Variants in BAZ1A observed in about 807,000 individuals in gnomAD.
The protein encoded by BAZ1A is bromodomain adjacent to zinc finger domain 1A, also known as bromodomain adjacent to zinc finger domain protein 1A.
Under a neutral mutation model 185.2 loss-of-function variants are expected in BAZ1A, and 50 were observed. That is an observed-to-expected ratio of 0.27 (90% CI 0.22 to 0.34). The LOEUF is 0.34. Ranked by LOEUF, BAZ1A falls within the 10% of genes least tolerant of loss-of-function variation. BAZ1A has a pLI of 1.00. For synonymous variants in BAZ1A, 571 were observed against 615.6 expected, an observed-to-expected ratio of 0.93 and a Z score of 1.07; for missense variants, 1,356 against 1,839.9, an observed-to-expected ratio of 0.74 and a Z score of 4.81.
intron 9 of BAZ1A, among the ~76,000 whole-genome samples, chr14:34,797,912 C>A (rs1324255093): frequency 1.3e-5 from 2 of 152,264 alleles, no homozygotes; most frequent in African/African-American, 4.8e-5. Flanking sequence ...ATTTTCCTTT[C>A]CTAGCCAAGG....
At chr14:34,755,613 G>T (rs977493184) in intron 25 of BAZ1A, among the ~76,000 whole-genome samples, 7 of 151,730 alleles carry the variant, frequency 4.6e-5, no homozygotes, top group Non-Finnish European at 7.4e-5. Context: ...TTATTATTTT[G>T]TCCCTCTGAA....
chr14:34,755,113 C>T (rs8010594), intron 25 of BAZ1A, among the ~76,000 whole-genome samples, 199 bp from the exon 26 acceptor site: 3,230 of 151,690 alleles, frequency 0.021, 130 homozygotes, highest in African/African-American at 0.074. Context: ...ATAGATATCG[C>T]GCTCTCTCTA....
intron 12 of BAZ1A, among the ~76,000 whole-genome samples, chr14:34,792,209 C>A (rs1471597066): frequency 6.6e-6 from 1 of 152,090 alleles, no homozygotes; most frequent in Non-Finnish European, 1.5e-5. Flanking sequence ...CACAGTGAAA[C>A]CCCGTCTCTA....
At chr14:34,788,206 C>T (rs936202831) in intron 12 of BAZ1A, among the ~76,000 whole-genome samples, 24 of 152,120 alleles carry the variant, frequency 1.6e-4, no homozygotes, top group Admixed American at 9.8e-4. Context: ...TTAGTAGAGA[C>T]AGGGTTTCAC....
intron 6 of BAZ1A, among the ~76,000 whole-genome samples, chr14:34,803,251 C>T (rs1467193143): frequency 2.0e-5 from 3 of 151,820 alleles, no homozygotes; most frequent in African/African-American, 4.8e-5. Flanking sequence ...TGGTGGCACA[C>T]GTCTGTAGTC....
rs957601809 is a variant in BAZ1A at position 34,786,312 on chromosome 14, A to G, written c.1511-91T>C. 1.3e-5 allele frequency: 16 copies of G among 1,188,260 alleles called. No homozygotes were observed. In the Admixed American group the frequency reaches 4.2e-4, roughly 31 times the overall value. 73.6% of individuals were successfully genotyped at this position (1,188,260 alleles called of 1,614,324 possible). Reference sequence around the variant, plus strand: ...TTTTAAATGATGAAAGAAACAGCAAACGCCTTAACATTCGGAACCTCAAAA... The same window carrying G: ...TTTTAAATGATGAAAGAAACAGCAAGCGCCTTAACATTCGGAACCTCAAAA... On this transcript the variant is annotated intron_variant, in intron 12 of 26. Transcript: ENST00000360310.
At chr14:34,811,826 A>G (rs546762256) in intron 4 of BAZ1A, among the ~76,000 whole-genome samples, 80 of 152,366 alleles carry the variant, frequency 5.3e-4, no homozygotes, top group African/African-American at 1.9e-3. Flanking sequence ...AAAAATAAAA[A>G]AAGTTCTTGG....
rs1162547228 is a variant in BAZ1A, at chr14:34,786,156, A to C, written c.1576T>G (p.Leu526Val). Residue 526 changes from leucine (L) to valine (V), a missense_variant, in exon 13 of 27, where the codon TTG (leucine) becomes GTG (valine). Around this residue, in one of 7 missense-constraint regions of BAZ1A, gnomAD observed 184 missense variants for 355.1 expected, o/e 0.52. Transcript: ENST00000360310. ...TGTAACTGTGGCCATGCAGCTGCCA[A>C]AGATGCAACTGCAGACAGTGCAGAT... ...TKSALSAVAS[L>V]AAAWPQLHQG... is the part of the protein sequence containing the mutation. The C allele has an allele frequency of 1.2e-6, 2 of 1,612,448 alleles. No individual in the cohort carries two copies. The highest frequency in any genetic ancestry group is 1.7e-6 in the Non-Finnish European group (2 of 1,179,670).
At chr14:34,851,450 A>C (rs2042595385) in intron 3 of BAZ1A, among the ~76,000 whole-genome samples, 2 of 151,938 alleles carry the variant, frequency 1.3e-5, no homozygotes, top group Admixed American at 6.6e-5. Flanking sequence ...AGATTCTCTC[A>C]AACTCTAATT....
rs781763990 is a variant in BAZ1A, at chr14:34,774,439, T to C, written c.2885A>G (p.Asn962Ser). The C allele has an allele frequency of 1.4e-4, 227 of 1,611,814 alleles. No homozygotes were observed. Among genetic ancestry groups the C allele is most frequent in the Non-Finnish European group, 1.8e-4 (214 of 1,179,122 alleles). ...KPTYSRGRSS[N>S]AYDPSQMCAE... ...ACACATCTGAGATGGATCATATGCA[T>C]TGGAAGATCTTCCCCGACTATATGT... Residue 962 changes from asparagine to serine, a missense_variant, in exon 19 of 27, where the codon AAT becomes AGT. By Grantham distance (46) the Asn-to-Ser change is conservative. Transcript: ENST00000360310.
At chr14:34,787,364 A>AAG (rs1566561801) in intron 12 of BAZ1A, among the ~76,000 whole-genome samples, 1 of 30,412 alleles carries the variant, frequency 3.3e-5, no homozygotes, top group African/African-American at 9.5e-5. Context: ...AAAAAAAAAA[A>AAG]AAAAGAAAAG....
intron 25 of BAZ1A, among the ~76,000 whole-genome samples, chr14:34,757,604 G>A (rs1280778854): frequency 2.0e-5 from 3 of 151,914 alleles, no homozygotes; most frequent in African/African-American, 7.2e-5. Flanking sequence ...GGTGGAGGTT[G>A]CGGTGAGCCA....
At chr14:34,760,183 G>A (rs932214804) in intron 24 of BAZ1A, among the ~76,000 whole-genome samples, 3 of 152,142 alleles carry the variant, frequency 2.0e-5, no homozygotes, top group Admixed American at 1.3e-4. Flanking sequence ...ACCAGGCTTA[G>A]CAATTTCACA....
In BAZ1A at chr14:34,776,325, G is replaced by A. The variant is rs779702910; in HGVS notation, c.2427C>T (p.Arg809=). The A allele has an allele frequency of 6.2e-7, 1 of 1,613,982 alleles. No homozygotes were observed. The highest frequency in any genetic ancestry group is 1.3e-5 in the African/African-American group (1 of 74,902). The change falls in exon 18 of 27, where the codon CGC becomes CGT. Residue 809 remains arginine (R), a synonymous_variant. Coordinates refer to ENST00000360310, the MANE Select transcript of BAZ1A (RefSeq NM_013448.3). ...CTNIFPLGRD[R]MYRRYWIFPS... ...GGAAAATCCAGTATCGTCTATACATGCGGTCGCGACCCAAGGGAAAGATAT... is the reference window on the plus strand; with the variant it reads ...GGAAAATCCAGTATCGTCTATACATACGGTCGCGACCCAAGGGAAAGATAT...
At chr14:34,837,580 G>A (rs996198537) in intron 3 of BAZ1A, among the ~76,000 whole-genome samples, 1 of 150,148 alleles carries the variant, frequency 6.7e-6, no homozygotes, top group African/African-American at 2.5e-5. Context: ...CAAAATCCAT[G>A]GCTTAAAACC....
chr14:34,856,348 G>T (rs529577067), intron 3 of BAZ1A, among the ~76,000 whole-genome samples: 1 of 13,692 alleles, frequency 7.3e-5, no homozygotes, highest in Non-Finnish European at 3.7e-3. Flanking sequence ...GCACAGTGGC[G>T]CAATATAGCT....
At chr14:34,767,238 T>G (rs1233857679) in intron 21 of BAZ1A, among the ~76,000 whole-genome samples, 1 of 152,176 alleles carries the variant, frequency 6.6e-6, no homozygotes, top group South Asian at 2.1e-4. Context: ...CCCTGTCAAC[T>G]ATCCAAAACT....
chr14:34,783,974 G>T (rs764120146), intron 14 of BAZ1A, 47 bp from the exon 15 acceptor site: 1 of 1,503,228 alleles, frequency 6.7e-7, no homozygotes, highest in Non-Finnish European at 8.9e-7. Context: ...CGCAGCAAAT[G>T]AACTGTGTTT....
At chr14:34,873,149 T>C (rs549774018) in intron 2 of BAZ1A, among the ~76,000 whole-genome samples, 13 of 152,238 alleles carry the variant, frequency 8.5e-5, no homozygotes, top group African/African-American at 2.6e-4. Flanking sequence ...TTAAAATAAA[T>C]GCTCAAAGGA....
Sources: gnomAD v4.1 joint callset for allele counts (sites outside exome capture counted in the v4.1 genomes callset) on GRCh38, gnomAD v4.1.1 for gene constraint, gnomAD v4.1.1 regional missense constraint, MANE v1.5 for transcripts, NCBI Gene and HGNC (gene_info 2026-07-23, HGNC 2026-07-21) for gene names.